Variants in ABCC1 observed in about 807,000 individuals in gnomAD.
ABCC1 encodes the protein ATP binding cassette subfamily C member 1 (ABCC1 blood group), also known as multidrug resistance-associated protein 1.
ABCC1 carries 83 observed loss-of-function variants against 172.9 expected under a neutral mutation model. That is an observed-to-expected ratio of 0.48 (90% CI 0.40 to 0.58). The LOEUF is 0.58. Among genes scored for constraint, ABCC1 ranks in the 20% least tolerant of loss-of-function variants. ABCC1 has a pLI of 0.00. For synonymous variants in ABCC1, 937 were observed against 825.2 expected, an observed-to-expected ratio of 1.14 and a Z score of -2.32; for missense variants, 1,817 against 2,002.7, an observed-to-expected ratio of 0.91 and a Z score of 1.77.
intron 1 of ABCC1, among the ~76,000 whole-genome samples, chr16:15,990,043 C>A (rs2046822900): frequency 6.6e-6 from 1 of 151,584 alleles, no homozygotes; most frequent in Admixed American, 6.6e-5. Flanking sequence ...TGCCTGGCAC[C>A]ATTCAGCAAT....
chr16:16,102,534 G>C lies in ABCC1; in HGVS notation c.2645-93G>C, dbSNP rs905555401. The C allele has an allele frequency of 1.1e-5, 12 of 1,137,452 alleles. No homozygotes were observed. In the African/African-American group the frequency reaches 1.8e-4, roughly 17 times the overall value. 70.5% of individuals were successfully genotyped at this position (1,137,452 alleles called of 1,614,324 possible). A position where few individuals can be genotyped will look rare whatever the true frequency, so the allele number is the denominator to read the frequency against. The stretch of plus-strand genomic sequence containing the variant: ...CATCCTGGCGGCCAGGTGCTCTGTG[G>C]TCTCCTCACTGAAGTGGCCGGTTTT... On this transcript the variant is annotated intron_variant, in intron 19 of 30. Coordinates refer to ENST00000399410, the MANE Select transcript of ABCC1 (RefSeq NM_004996.4).
intron 26 of ABCC1, among the ~76,000 whole-genome samples, chr16:16,127,423 T>G (rs1043255688): frequency 2.6e-5 from 4 of 152,206 alleles, no homozygotes; most frequent in Non-Finnish European, 5.9e-5. Context: ...CATCTTGATC[T>G]CCTGAGCTCT....
chr16:16,112,522 T>C (rs1384660975), intron 22 of ABCC1, among the ~76,000 whole-genome samples: 3 of 152,226 alleles, frequency 2.0e-5, no homozygotes, highest in Admixed American at 6.5e-5. Flanking sequence ...TTTTAACTTA[T>C]TTTATCCTTG....
chr16:16,091,384 A>T (rs866936311), intron 19 of ABCC1, among the ~76,000 whole-genome samples: 5 of 146,990 alleles, frequency 3.4e-5, no homozygotes, highest in Non-Finnish European at 6.0e-5. Flanking sequence ...CCTGGCCAAC[A>T]TACTGAAACC....
intron 12 of ABCC1, 87 bp from the exon 13 acceptor site, chr16:16,068,068 CA>C: frequency 6.5e-7 from 1 of 1,535,318 alleles, no homozygotes; most frequent in African/African-American, 1.4e-5. Context: ...GGGGAGGGCC[CA>C]AGCGCGTCTC....
chr16:16,095,745 C>T (rs989220070), intron 19 of ABCC1, among the ~76,000 whole-genome samples: 10 of 150,326 alleles, frequency 6.7e-5, no homozygotes, highest in Non-Finnish European at 8.9e-5. Flanking sequence ...AGGCTGGTCT[C>T]GAACTCCTGG....
At chr16:16,122,527 C>T (rs2045214582) in intron 24 of ABCC1, among the ~76,000 whole-genome samples, 1 of 152,088 alleles carries the variant, frequency 6.6e-6, no homozygotes, top group African/African-American at 2.4e-5. Context: ...GGTGATCATG[C>T]ACCCCTGGGT....
At chr16:16,071,541 T>C in intron 13 of ABCC1, 101 bp from the exon 14 acceptor site, 1 of 829,248 alleles carries the variant, frequency 1.2e-6, no homozygotes, top group African/African-American at 1.7e-5. Flanking sequence ...GGAGGGTGTG[T>C]GCCCCTCCAC....
chr16:16,018,499 A>G (rs571327757), intron 5 of ABCC1, among the ~76,000 whole-genome samples: 1 of 152,276 alleles, frequency 6.6e-6, no homozygotes, highest in Admixed American at 6.5e-5. Context: ...CAGTGAGCAG[A>G]GATCACACCA....
At chr16:16,088,527 A>G (rs1473469754) in intron 18 of ABCC1, among the ~76,000 whole-genome samples, 1 of 152,134 alleles carries the variant, frequency 6.6e-6, no homozygotes, top group African/African-American at 2.4e-5. Context: ...TTAGAGAGCA[A>G]GGGTTAGCAA....
rs778579319 is a variant in ABCC1 at position 16,036,495 on chromosome 16, A to G, written c.701A>G (p.Gln234Arg). ...AGGTTGATTGTCCGGGGCTACCGCCAGCCCCTGGAGGGCAGTGACCTCTGG... is the reference window on the plus strand; with the variant it reads ...AGGTTGATTGTCCGGGGCTACCGCCGGCCCCTGGAGGGCAGTGACCTCTGG... ...ITGLIVRGYR[Q>R]PLEGSDLWSL... is the part of the protein sequence containing the mutation. Residue 234 changes from glutamine to arginine, a missense_variant, in exon 7 of 31, where the codon CAG (glutamine) becomes CGG (arginine). Gln to Arg is a conservative substitution (Grantham distance 43). Transcript: ENST00000399410. 1 of 1,613,832 alleles carries G rather than the reference A, an allele frequency of 6.2e-7. No homozygotes were observed. The highest frequency in any genetic ancestry group is 8.5e-7 in the Non-Finnish European group (1 of 1,179,852).
At chr16:15,982,496 C>T (rs2046644531) in intron 1 of ABCC1, among the ~76,000 whole-genome samples, 1 of 151,946 alleles carries the variant, frequency 6.6e-6, no homozygotes, top group Non-Finnish European at 1.5e-5. Context: ...TGTGAGAATT[C>T]ACTGTCACAA....
chr16:15,964,525 G>A (rs1030275818), intron 1 of ABCC1, among the ~76,000 whole-genome samples: 1 of 152,090 alleles, frequency 6.6e-6, no homozygotes, highest in Non-Finnish European at 1.5e-5. Flanking sequence ...TGGGGACACA[G>A]AGCCAGACCA....
intron 21 of ABCC1, among the ~76,000 whole-genome samples, chr16:16,107,799 T>G (rs2052199634): frequency 6.6e-6 from 1 of 152,094 alleles, no homozygotes. Context: ...AAGTTTATTT[T>G]TAAAAATAAA....
In ABCC1 at chr16:16,014,598, G is replaced by T. The variant is rs1025015032; in HGVS notation, c.459G>T (p.Leu153=). ...CCCTAGTGTGTGCCCTAGCCATCCT[G>T]AGATCCAAAATTATGACAGCCTTAA... is the stretch of plus-strand genomic sequence containing the variant. ...LVALVCALAI[L]RSKIMTALKE... The change falls in exon 4 of 31, where the codon CTG becomes CTT. Residue 153 remains leucine, a synonymous_variant. Coordinates refer to ENST00000399410, the MANE Select transcript of ABCC1 (RefSeq NM_004996.4). 1 of 1,613,896 alleles carries T rather than the reference G, an allele frequency of 6.2e-7. No homozygotes were observed. Among genetic ancestry groups the T allele is most frequent in the East Asian group, 2.2e-5 (1 of 44,890 alleles).
chr16:16,048,111 T>A, intron 9 of ABCC1, 31 bp from the exon 10 acceptor site: 1 of 1,612,412 alleles, frequency 6.2e-7, no homozygotes, highest in African/African-American at 1.3e-5. Context: ...GCTGCCACAC[T>A]CACCCACCTT....
At chr16:16,076,830 G>A (rs183744429) in intron 15 of ABCC1, among the ~76,000 whole-genome samples, 40 of 152,300 alleles carry the variant, frequency 2.6e-4, no homozygotes, top group Non-Finnish European at 5.0e-4. Context: ...GGTCCCAACA[G>A]CTCCCACTGT....
chr16:16,116,418 G>GT (rs1229939501), intron 23 of ABCC1, among the ~76,000 whole-genome samples: 3 of 151,904 alleles, frequency 2.0e-5, no homozygotes, highest in African/African-American at 7.3e-5. Flanking sequence ...TACATATCCT[G>GT]TTTTTTTCTG....
chr16:16,078,709 C>T (rs943020038), intron 15 of ABCC1, among the ~76,000 whole-genome samples: 4 of 152,200 alleles, frequency 2.6e-5, no homozygotes, highest in Admixed American at 6.5e-5. Flanking sequence ...CAGAGTCTCA[C>T]GCTCTTGCCC....
Sources: gnomAD v4.1 joint callset for allele counts (sites outside exome capture counted in the v4.1 genomes callset) on GRCh38, gnomAD v4.1.1 for gene constraint, MANE v1.5 for transcripts, NCBI Gene and HGNC (gene_info 2026-07-23, HGNC 2026-07-21) for gene names.